The following STK32B variants were observed in gnomAD, a reference collection of about 807,000 sequenced individuals.
STK32B encodes the protein serine/threonine-protein kinase 32B.
Under a neutral mutation model 52.6 loss-of-function variants are expected in STK32B, and 43 were observed. The ratio of observed to expected loss-of-function variants is 0.82; its 90% CI spans 0.64 to 1.05. STK32B has a LOEUF of 1.05. STK32B is among the 50% of genes least tolerant of loss of function. The pLI, the probability that STK32B is intolerant of heterozygous loss-of-function variation, is 0.00. For synonymous variants in STK32B, 238 were observed against 204.3 expected (o/e 1.17, Z -1.41); for missense variants, 621 against 534.6 (o/e 1.16, Z -1.59).
intron 3 of STK32B, among the ~76,000 whole-genome samples, chr4:5,230,830 A>AAG (rs1329507468): frequency 6.6e-6 from 1 of 152,188 alleles, no homozygotes; most frequent in East Asian, 1.9e-4. Context: ...TTCCCAGAAC[A>AAG]AGAGGGGGTA....
intron 3 of STK32B, among the ~76,000 whole-genome samples, chr4:5,235,186 G>A (rs958807894): frequency 6.6e-6 from 1 of 152,204 alleles, no homozygotes; most frequent in Non-Finnish European, 1.5e-5. Flanking sequence ...CAGTTTTCTG[G>A]TCTATAAAAT....
In STK32B at chr4:5,302,037, A is replaced by G. The variant is rs1577315190; in HGVS notation, c.261-29183A>G. ...CTTCTATCCTTTGTGTAATAAAAAC[A>G]TTTTCTAGTATGCTATTTTAATTAC... On this transcript the variant is annotated intron_variant, in intron 3 of 11. Coordinates refer to ENST00000282908, the MANE Select transcript of STK32B (RefSeq NM_018401.3). 5.3e-5 allele frequency among the ~76,000 whole-genome samples: 8 copies of G among 151,418 alleles called. No individual in the cohort carries two copies. The South Asian group carries it at 1.7e-3, about 32-fold the overall frequency.
At chr4:5,177,901 C>T (rs542861219) in intron 3 of STK32B, among the ~76,000 whole-genome samples, 18 of 152,372 alleles carry the variant, frequency 1.2e-4, no homozygotes, top group African/African-American at 3.6e-4. Flanking sequence ...TTGCAGGGTA[C>T]AGCCTCCTTC....
intron 3 of STK32B, among the ~76,000 whole-genome samples, chr4:5,225,299 C>T (rs926169547): frequency 3.3e-5 from 5 of 151,890 alleles, no homozygotes; most frequent in African/African-American, 7.2e-5. Flanking sequence ...CCCAGCTACT[C>T]GGGAGGCTGA....
At position 5,370,292 on chromosome 4, in the gene STK32B, C is replaced by T. The variant is rs575545051; in HGVS notation, c.435-27915C>T. ...TTGTTCGCTGTGGTATTATCATTGG[C>T]TGACTTGGTACCTGCCACATTGGAG... On this transcript the variant is annotated intron_variant, in intron 4 of 11. Coordinates refer to ENST00000282908, the MANE Select transcript of STK32B (RefSeq NM_018401.3). 2.2e-3 allele frequency among the ~76,000 whole-genome samples: 338 copies of T among 152,312 alleles called. 2 individuals carry two copies. Among genetic ancestry groups the T allele is most frequent in the Non-Finnish European group, 3.5e-3 (238 of 68,038 alleles).
At chr4:5,220,832 A>G (rs1300255007) in intron 3 of STK32B, among the ~76,000 whole-genome samples, 1 of 152,174 alleles carries the variant, frequency 6.6e-6, no homozygotes, top group Admixed American at 6.5e-5. Context: ...AGGTGGTGGC[A>G]GTGGGGATGG....
chr4:5,321,633 T>G (rs1471702125), intron 3 of STK32B, among the ~76,000 whole-genome samples: 1 of 152,158 alleles, frequency 6.6e-6, no homozygotes, highest in African/African-American at 2.4e-5. Flanking sequence ...CACTACAAAT[T>G]CTTTAGAAGC....
chr4:5,344,611 C>T (rs899142857), intron 4 of STK32B, among the ~76,000 whole-genome samples: 1 of 151,606 alleles, frequency 6.6e-6, no homozygotes, highest in African/African-American at 2.4e-5. Flanking sequence ...ATGAAGGCTT[C>T]TTTATTATTG....
chr4:5,469,691 A>C lies in STK32B; in HGVS notation c.1106+1621A>C, dbSNP rs1717706713. ...GGTGCCCAGATCAGCACAGACACAC[A>C]CACCAGGCTTGGGCAGCAAGCCTCA... On this transcript the variant is annotated intron_variant, in intron 11 of 11. Transcript: ENST00000282908. The surrounding 1 kb of genome is among the most constrained non-coding windows in gnomAD (Gnocchi z 4.7). 6.6e-6 allele frequency among the ~76,000 whole-genome samples: 1 copy of C among 152,184 alleles called. No individual in the cohort carries two copies. The highest frequency in any genetic ancestry group is 1.5e-5 in the Non-Finnish European group (1 of 68,022).
intron 1 of STK32B, among the ~76,000 whole-genome samples, chr4:5,106,679 T>C (rs1714125756): frequency 6.6e-6 from 1 of 152,260 alleles, no homozygotes; most frequent in Non-Finnish European, 1.5e-5. Context: ...ATTCTGTTTC[T>C]TAGATCCTGC....
At chr4:5,094,957 G>A (rs188402748) in intron 1 of STK32B, among the ~76,000 whole-genome samples, 90 of 152,310 alleles carry the variant, frequency 5.9e-4, no homozygotes, top group South Asian at 1.9e-3. Flanking sequence ...TAGCTGCCAG[G>A]CCCTGCCCTG....
intron 4 of STK32B, among the ~76,000 whole-genome samples, chr4:5,390,832 C>T (rs62297321): frequency 0.078 from 11,885 of 152,058 alleles, 541 homozygotes; most frequent in East Asian, 0.11. Context: ...GAGAGAAGTC[C>T]CCTGCCTCTC....
chr4:5,314,996 T>C (rs2108917465), intron 3 of STK32B, among the ~76,000 whole-genome samples: 1 of 152,184 alleles, frequency 6.6e-6, no homozygotes, highest in South Asian at 2.1e-4. Context: ...AAATTGAAGA[T>C]TTATGCTCGG....
intron 3 of STK32B, among the ~76,000 whole-genome samples, chr4:5,222,416 G>A (rs1199615033): frequency 1.3e-5 from 2 of 152,154 alleles, no homozygotes; most frequent in Non-Finnish European, 2.9e-5. Context: ...AAAAACTGTA[G>A]CAACAGCTTC....
intron 1 of STK32B, among the ~76,000 whole-genome samples, chr4:5,119,760 G>A (rs1714924038): frequency 6.6e-6 from 1 of 152,252 alleles, no homozygotes; most frequent in African/African-American, 2.4e-5. Flanking sequence ...TCATATGTGA[G>A]CGACCTAAAT....
intron 3 of STK32B, among the ~76,000 whole-genome samples, chr4:5,230,971 A>G (rs551666473): frequency 5.9e-5 from 9 of 152,352 alleles, no homozygotes; most frequent in Non-Finnish European, 8.8e-5. Flanking sequence ...GGAAAAGGAT[A>G]CGGACACTTC....
chr4:5,087,151 T>C (rs978955875), intron 1 of STK32B, among the ~76,000 whole-genome samples: 4 of 152,106 alleles, frequency 2.6e-5, no homozygotes, highest in Admixed American at 1.3e-4. Flanking sequence ...TAATATGTGG[T>C]AAAAACAGCA....
chr4:5,048,039 C>T (rs1044311885), upstream of STK32B, among the ~76,000 whole-genome samples: 1 of 152,092 alleles, frequency 6.6e-6, no homozygotes, highest in African/African-American at 2.4e-5. Flanking sequence ...TGTTTGGAGC[C>T]ACCAGATGCT....
At chr4:5,278,998 C>G (rs114243077) in intron 3 of STK32B, among the ~76,000 whole-genome samples, 200 of 152,264 alleles carry the variant, frequency 1.3e-3, no homozygotes, top group African/African-American at 4.4e-3. Context: ...CTGACAATTA[C>G]AATTTGACAT....
Sources: allele counts gnomAD v4.1 joint callset (sites outside exome capture counted in the v4.1 genomes callset), GRCh38; gene constraint gnomAD v4.1.1; non-coding constraint Gnocchi (gnomAD v3.1); transcripts MANE v1.5; gene names NCBI Gene and HGNC (gene_info 2026-07-23, HGNC 2026-07-21).